The following IL7 variants were observed in gnomAD, a reference collection of about 807,000 sequenced individuals.
IL7 encodes the protein interleukin-7.
A neutral mutation model predicts 21.6 loss-of-function variants in IL7; 3 were observed. That is an observed-to-expected ratio of 0.14 (90% CI 0.06 to 0.36). IL7 has a LOEUF of 0.36. Ranked by LOEUF, IL7 falls within the 10% of genes least tolerant of loss-of-function variation. The pLI is 1.00. For synonymous variants in IL7, 62 were observed against 68.1 expected, an observed-to-expected ratio of 0.91 and a Z score of 0.44; for missense variants, 175 against 200.2, an observed-to-expected ratio of 0.87 and a Z score of 0.76.
At chr8:78,722,196 T>A (rs181405448) in intron 3 of IL7, among the ~76,000 whole-genome samples, 24 of 152,106 alleles carry the variant, frequency 1.6e-4, no homozygotes, top group Non-Finnish European at 5.9e-5. Context: ...TCAGAGTTAC[T>A]CATGTTCATC....
chr8:78,798,302 A>T, intron 1 of IL7, 94 bp from the exon 2 acceptor site: 1 of 837,182 alleles, frequency 1.2e-6, no homozygotes, highest in Non-Finnish European at 1.8e-6. Context: ...ATTTCTAATA[A>T]TTTTAAAAAT....
At chr8:78,696,155 C>G (rs1161014180) in intron 3 of IL7, among the ~76,000 whole-genome samples, 1 of 152,016 alleles carries the variant, frequency 6.6e-6, no homozygotes, top group African/African-American at 2.4e-5. Context: ...CTGCCTCAGC[C>G]TCCTGAGTAG....
intron 3 of IL7, chr8:78,697,499 T>C (rs1810463402): frequency 6.2e-7 from 1 of 1,605,878 alleles, no homozygotes. Flanking sequence ...CTGGCAAAAC[T>C]GTTGTAGGTA....
chr8:78,794,357 A>C (rs1234792061), intron 2 of IL7, among the ~76,000 whole-genome samples: 1 of 152,120 alleles, frequency 6.6e-6, no homozygotes, highest in Non-Finnish European at 1.5e-5. Flanking sequence ...TTATATTAGC[A>C]GTTATGAAAA....
chr8:78,761,462 A>C, intron 2 of IL7: 2 of 1,610,606 alleles, frequency 1.2e-6, no homozygotes, highest in Non-Finnish European at 1.7e-6. Context: ...ACAATACTCC[A>C]TATTTAATCC....
chr8:78,778,369 A>C (rs1813202421), intron 2 of IL7, among the ~76,000 whole-genome samples: 1 of 151,924 alleles, frequency 6.6e-6, no homozygotes. Context: ...TTGTTATTCC[A>C]CTCTGAGTCA....
downstream of IL7, among the ~76,000 whole-genome samples, chr8:78,732,308 A>C (rs928799975): frequency 1.3e-5 from 2 of 152,302 alleles, no homozygotes; most frequent in Non-Finnish European, 2.9e-5. Flanking sequence ...AAGTGTATAC[A>C]ATTCTATACA....
intron 4 of IL7, chr8:78,678,526 A>C: frequency 6.5e-7 from 1 of 1,540,118 alleles, no homozygotes; most frequent in Non-Finnish European, 8.8e-7. Flanking sequence ...CTTCTGTAGA[A>C]AAGAAAATGA....
At chr8:78,728,663 A>G (rs546091231), downstream of IL7, among the ~76,000 whole-genome samples, 4 of 152,136 alleles carry the variant, frequency 2.6e-5, no homozygotes, top group East Asian at 5.8e-4. Context: ...TTCTAGAGCA[A>G]TGGTTTCAAG....
At chr8:78,740,599 A>T (rs1179949007) in intron 2 of IL7, among the ~76,000 whole-genome samples, 1 of 152,262 alleles carries the variant, frequency 6.6e-6, no homozygotes, top group East Asian at 1.9e-4. Context: ...TCTGTTTTAC[A>T]CTCTTTTCAG....
At chr8:78,799,885 C>G (rs142575333) in intron 1 of IL7, among the ~76,000 whole-genome samples, 1 of 151,910 alleles carries the variant, frequency 6.6e-6, no homozygotes, top group Non-Finnish European at 1.5e-5. Flanking sequence ...TGATCAATTG[C>G]TAATTTAAAA....
intron 2 of IL7, among the ~76,000 whole-genome samples, chr8:78,759,294 C>A (rs1483431112): frequency 2.7e-5 from 4 of 149,410 alleles, no homozygotes; most frequent in Non-Finnish European, 4.4e-5. Context: ...TTTTCTTCAC[C>A]AAAAATAACA....
At chr8:78,740,349 T>C (rs1040249813) in intron 2 of IL7, among the ~76,000 whole-genome samples, 7 of 152,164 alleles carry the variant, frequency 4.6e-5, no homozygotes, top group Admixed American at 2.0e-4. Flanking sequence ...ATCTGGCTCA[T>C]CTAGGGAAAT....
intron 3 of IL7, among the ~76,000 whole-genome samples, chr8:78,692,469 T>C (rs1006645579): frequency 2.6e-5 from 4 of 152,244 alleles, no homozygotes; most frequent in African/African-American, 9.6e-5. Flanking sequence ...CTTTCTTTGC[T>C]GGTAATGTTT....
chr8:78,698,199 T>A, intron 3 of IL7, among the ~76,000 whole-genome samples: 1 of 152,304 alleles, frequency 6.6e-6, no homozygotes, highest in African/African-American at 2.4e-5. Context: ...CATGTACCTT[T>A]ATTTATATAT....
At chr8:78,676,038 TC>T in exon 5 of IL7, 1 of 439,528 alleles carries the variant, frequency 2.3e-6, no homozygotes, top group Non-Finnish European at 3.9e-6. Context: ...ATGCTTTCTT[TC>T]CTTCAGAGTT....
intron 2 of IL7, among the ~76,000 whole-genome samples, chr8:78,742,995 C>A (rs556190589): frequency 3.3e-5 from 5 of 152,270 alleles, no homozygotes; most frequent in African/African-American, 1.2e-4. Context: ...GTTTTCTGTT[C>A]CTGCATTAGT....
downstream of IL7, among the ~76,000 whole-genome samples, chr8:78,715,754 G>A (rs539904660): frequency 6.6e-6 from 1 of 152,230 alleles, no homozygotes; most frequent in African/African-American, 2.4e-5. Context: ...AAACTGGAAT[G>A]GATGAGGAGT....
intron 2 of IL7, among the ~76,000 whole-genome samples, chr8:78,784,502 TATAAC>T (rs1237400268): frequency 3.3e-5 from 5 of 152,186 alleles, no homozygotes; most frequent in East Asian, 1.9e-4. Flanking sequence ...ATATACACGA[TATAAC>T]ATATAATTTT....
Sources: allele counts gnomAD v4.1 joint callset (sites outside exome capture counted in the v4.1 genomes callset), GRCh38; gene constraint gnomAD v4.1.1; transcripts MANE v1.5; gene names NCBI Gene and HGNC (gene_info 2026-07-23, HGNC 2026-07-21).